PLCG2: variants seen among roughly 807,000 people sequenced by gnomAD.
The protein encoded by PLCG2 is 1-phosphatidylinositol 4,5-bisphosphate phosphodiesterase gamma-2.
In PLCG2, 69 loss-of-function variants were observed where a neutral mutation model predicts 175.6. The ratio of observed to expected loss-of-function variants is 0.39; its 90% CI spans 0.32 to 0.48. The LOEUF (loss-of-function observed/expected upper bound fraction) is 0.48. PLCG2 is among the 20% of genes least tolerant of loss of function. The pLI, the probability that PLCG2 is intolerant of heterozygous loss-of-function variation, is 0.91. For synonymous variants in PLCG2, 827 were observed against 624.0 expected (o/e 1.33, Z -4.85); for missense variants, 1,798 against 1,650.9 (o/e 1.09, Z -1.54).
At chr16:81,920,380 G>A (rs1910012194) in intron 20 of PLCG2, among the ~76,000 whole-genome samples, 1 of 152,192 alleles carries the variant, frequency 6.6e-6, no homozygotes, top group Non-Finnish European at 1.5e-5. Context: ...ATCTGCTTTG[G>A]GAAATTTAGG....
At chr16:81,843,167 C>A (rs1215000893) in intron 2 of PLCG2, among the ~76,000 whole-genome samples, 1 of 152,164 alleles carries the variant, frequency 6.6e-6, no homozygotes, top group Non-Finnish European at 1.5e-5. Flanking sequence ...TGACCACAGC[C>A]TACTTTGAGA....
intron 2 of PLCG2, among the ~76,000 whole-genome samples, chr16:81,828,813 A>G (rs113521610): frequency 5.3e-5 from 8 of 152,320 alleles, no homozygotes; most frequent in African/African-American, 1.9e-4. Context: ...GAAGGTTTCA[A>G]CAAATGTGAA....
At chr16:81,893,088 TG>T (rs1908714462) in intron 11 of PLCG2, among the ~76,000 whole-genome samples, 1 of 152,182 alleles carries the variant, frequency 6.6e-6, no homozygotes, top group South Asian at 2.1e-4. Context: ...CTTGAACACC[TG>T]ACCTCGTGAT....
intron 20 of PLCG2, among the ~76,000 whole-genome samples, chr16:81,920,556 C>T (rs189130404): frequency 1.3e-5 from 2 of 151,998 alleles, no homozygotes; most frequent in Admixed American, 6.5e-5. Flanking sequence ...AAATGTGAGC[C>T]GAAACATGGA....
rs116163115 is a variant in PLCG2 at position 81,882,315 on chromosome 16, C to G, written c.693-954C>G. ...TCGGAGTGTAGTGTTCCCTAGTGTT[C>G]CCTACCTGATACCTAACCTCTGCTT... On this transcript the variant is annotated intron_variant, in intron 8 of 32. Transcript: ENST00000564138. Among the ~76,000 whole-genome samples, 1,482 of 152,202 alleles carry G rather than the reference C, an allele frequency of 9.7e-3. 22 individuals carry two copies. The highest frequency in any genetic ancestry group is 0.034 in the African/African-American group (1,432 of 41,546).
intron 2 of PLCG2, among the ~76,000 whole-genome samples, chr16:81,803,633 T>TTCCCTTCCTCCC (rs1911853673): frequency 1.1e-5 from 1 of 88,572 alleles, no homozygotes; most frequent in Admixed American, 1.4e-4. Flanking sequence ...TCTTTTCTTC[T>TTCCCTTCCTCCC]TCCCTCCCTC....
intron 2 of PLCG2, among the ~76,000 whole-genome samples, chr16:81,834,444 C>A (rs1905409517): frequency 6.6e-6 from 1 of 152,164 alleles, no homozygotes; most frequent in African/African-American, 2.4e-5. Flanking sequence ...ACTCAGACCC[C>A]AGCTTGCCCA....
chr16:81,878,612 A>C (rs887820775), intron 7 of PLCG2, among the ~76,000 whole-genome samples: 2 of 151,970 alleles, frequency 1.3e-5, no homozygotes, highest in African/African-American at 4.8e-5. Flanking sequence ...TCTTGAGTCT[A>C]TTCCCGTCTT....
intron 5 of PLCG2, among the ~76,000 whole-genome samples, chr16:81,863,820 A>G (rs1012177267): frequency 6.6e-6 from 1 of 152,234 alleles, no homozygotes; most frequent in African/African-American, 2.4e-5. Context: ...TAGCCCTGGC[A>G]GGGACAGAGG....
intron 1 of PLCG2, among the ~76,000 whole-genome samples, chr16:81,746,354 A>C (rs1909705022): frequency 1.3e-5 from 2 of 152,118 alleles, no homozygotes; most frequent in African/African-American, 2.4e-5. Context: ...CTCCCAGAAA[A>C]CATCTGGGGC....
chr16:81,919,452 G>C, intron 19 of PLCG2, 32 bp from the exon 20 acceptor site: 4 of 1,581,144 alleles, frequency 2.5e-6, no homozygotes, highest in Non-Finnish European at 3.5e-6. Context: ...CCAGGATCTT[G>C]GCATGTCAAC....
intron 2 of PLCG2, among the ~76,000 whole-genome samples, chr16:81,837,221 A>T (rs555783855): frequency 6.6e-6 from 1 of 152,372 alleles, no homozygotes; most frequent in East Asian, 1.9e-4. Context: ...AAAGTGTGTG[A>T]TCAAATGAAA....
At chr16:81,739,079 G>GGCC (rs889777021), upstream of PLCG2, 1 of 152,140 alleles carries the variant, frequency 6.6e-6, no homozygotes, top group African/African-American at 2.4e-5. Context: ...AGGAAGCTGG[G>GGCC]GCCGCCGTCG....
At chr16:81,916,632 G>A (rs1373254635) in intron 19 of PLCG2, among the ~76,000 whole-genome samples, 2 of 151,220 alleles carry the variant, frequency 1.3e-5, no homozygotes, top group African/African-American at 4.9e-5. Context: ...CAATTTTCAA[G>A]AATACAGGAC....
intron 1 of PLCG2, among the ~76,000 whole-genome samples, chr16:81,753,723 G>A (rs1909861388): frequency 6.6e-6 from 1 of 152,188 alleles, no homozygotes; most frequent in Non-Finnish European, 1.5e-5. Flanking sequence ...TGACTTTTGG[G>A]AGGGGATGAG....
intron 5 of PLCG2, among the ~76,000 whole-genome samples, chr16:81,861,134 T>G (rs1906960879): frequency 6.6e-6 from 1 of 152,200 alleles, no homozygotes; most frequent in South Asian, 2.1e-4. Flanking sequence ...AGCTCTTCAG[T>G]CCTTGTCTCA....
upstream of PLCG2, among the ~76,000 whole-genome samples, chr16:81,777,023 G>GA (rs1173212306): frequency 1.3e-5 from 2 of 151,546 alleles, no homozygotes; most frequent in Non-Finnish European, 3.0e-5. Flanking sequence ...TTAAAAACAT[G>GA]AAAGAAAAAA....
chr16:81,797,919 C>T (rs868291530), intron 2 of PLCG2, among the ~76,000 whole-genome samples: 1 of 151,992 alleles, frequency 6.6e-6, no homozygotes, highest in Non-Finnish European at 1.5e-5. Flanking sequence ...CAACCTCTGC[C>T]TCCCGGGTTC....
intron 31 of PLCG2, among the ~76,000 whole-genome samples, chr16:81,954,169 A>G (rs1911474526): frequency 1.3e-5 from 2 of 151,892 alleles, no homozygotes; most frequent in Admixed American, 1.3e-4. Context: ...AGTACAGGGT[A>G]TGCCACCATG....
Sources: allele counts gnomAD v4.1 joint callset (sites outside exome capture counted in the v4.1 genomes callset), GRCh38; gene constraint gnomAD v4.1.1; transcripts MANE v1.5; gene names NCBI Gene and HGNC (gene_info 2026-07-23, HGNC 2026-07-21).